ZMIZ1: variants seen among roughly 807,000 people sequenced by gnomAD.
ZMIZ1 encodes the protein zinc finger MIZ domain-containing protein 1.
In ZMIZ1, 17 loss-of-function variants were observed where a neutral mutation model predicts 113.9. The ratio of observed to expected loss-of-function variants is 0.15; its 90% confidence interval spans 0.10 to 0.22. The LOEUF (loss-of-function observed/expected upper bound fraction) is 0.22. Ranked by LOEUF, ZMIZ1 falls within the 10% of genes least tolerant of loss-of-function variation. ZMIZ1 has a pLI of 1.00. For missense variants in ZMIZ1, 1,059 were observed against 1,477.8 expected (o/e 0.72, Z 4.65); for synonymous variants, 607 against 603.1 (o/e 1.01, Z -0.09).
intron 4 of ZMIZ1, among the ~76,000 whole-genome samples, chr10:79,166,682 G>A (rs538513873): frequency 1.3e-5 from 2 of 152,362 alleles, no homozygotes; most frequent in East Asian, 1.9e-4. Flanking sequence ...GAAGTGAGGT[G>A]TACAGGAGCT....
At chr10:79,309,619 C>A (rs921950605) in intron 23 of ZMIZ1, among the ~76,000 whole-genome samples, 2 of 152,226 alleles carry the variant, frequency 1.3e-5, no homozygotes, top group African/African-American at 4.8e-5. Context: ...GACACCTGGA[C>A]CGTGGGCAGA....
rs1438474812 is a variant in ZMIZ1 at position 79,244,545 on chromosome 10, C to T, written c.280+28271C>T. On this transcript the variant is annotated intron_variant, in intron 7 of 24. Coordinates refer to ENST00000334512, the MANE Select transcript of ZMIZ1 (RefSeq NM_020338.4). ...AGAGGTCAGCTGGCACTTCTTTAGA[C>T]GGGTTTCAGGAGACTGTCATTCCTG... Among the ~76,000 whole-genome samples, 3 of 152,210 alleles carry T rather than the reference C, an allele frequency of 2.0e-5. No individual in the cohort carries two copies. In the East Asian group the frequency reaches 5.8e-4, roughly 29 times the overall value.
intron 6 of ZMIZ1, among the ~76,000 whole-genome samples, chr10:79,210,293 C>T (rs996879877): frequency 1.1e-4 from 16 of 152,192 alleles, no homozygotes; most frequent in Non-Finnish European, 2.1e-4. Flanking sequence ...TGGCCCTCAC[C>T]GGCCTGGATG....
At chr10:79,180,929 C>T (rs1327129099) in intron 4 of ZMIZ1, among the ~76,000 whole-genome samples, 2 of 152,218 alleles carry the variant, frequency 1.3e-5, no homozygotes, top group Non-Finnish European at 2.9e-5. Context: ...AGAATGCCCT[C>T]CCGCCATGGC....
At chr10:79,279,807 G>C (rs2094073) in intron 8 of ZMIZ1, among the ~76,000 whole-genome samples, 83,943 of 151,844 alleles carry the variant, frequency 0.55, 24,063 homozygotes, top group African/African-American at 0.7. Context: ...CCAAAAAATA[G>C]GAAAACCAGT....
chr10:79,240,645 T>C (rs1849786958), intron 7 of ZMIZ1, among the ~76,000 whole-genome samples: 1 of 136,954 alleles, frequency 7.3e-6, no homozygotes, highest in South Asian at 2.4e-4. Flanking sequence ...TATCTTTTTT[T>C]TTTTTTTTTT....
At chr10:79,201,725 G>A in intron 5 of ZMIZ1, 33 bp downstream of exon 5, 5 of 1,607,594 alleles carry the variant, frequency 3.1e-6, no homozygotes, top group Non-Finnish European at 4.2e-6. Flanking sequence ...TCCGAGGGCG[G>A]GGCAGATGGG....
At chr10:79,119,554 G>A (rs1844195303) in intron 2 of ZMIZ1, among the ~76,000 whole-genome samples, 1 of 152,298 alleles carries the variant, frequency 6.6e-6, no homozygotes, top group South Asian at 2.1e-4. Context: ...TCAAGTCCAG[G>A]TCTGTGTGGC....
chr10:79,292,722 T>C, intron 11 of ZMIZ1: 1 of 474,238 alleles, frequency 2.1e-6, no homozygotes, highest in Non-Finnish European at 4.2e-6. Context: ...CCGGTCTGTC[T>C]CCTGGATTGC....
chr10:79,081,853 C>T (rs1427919918), intron 1 of ZMIZ1, among the ~76,000 whole-genome samples: 1 of 152,226 alleles, frequency 6.6e-6, no homozygotes, highest in Non-Finnish European at 1.5e-5. Flanking sequence ...ATCACTGCAT[C>T]GGGGAGTGTA....
chr10:79,147,349 A>C (rs1384335380), intron 3 of ZMIZ1, among the ~76,000 whole-genome samples: 6 of 152,198 alleles, frequency 3.9e-5, no homozygotes, highest in Non-Finnish European at 8.8e-5. Flanking sequence ...CCTTCTGACC[A>C]GGGGGAGCCG....
chr10:79,286,371 G>A (rs1853077373), intron 8 of ZMIZ1, among the ~76,000 whole-genome samples: 1 of 152,258 alleles, frequency 6.6e-6, no homozygotes, highest in Non-Finnish European at 1.5e-5. Flanking sequence ...TGCTGTGGGG[G>A]CCTGCGGGGG....
chr10:79,265,247 C>G (rs192787877), intron 7 of ZMIZ1, among the ~76,000 whole-genome samples: 8 of 152,222 alleles, frequency 5.3e-5, no homozygotes, highest in African/African-American at 1.9e-4. Flanking sequence ...GACCACAGGA[C>G]CTGAGAAGGC....
At chr10:79,243,660 C>T (rs1387595850) in intron 7 of ZMIZ1, 1 of 300,444 alleles carries the variant, frequency 3.3e-6, no homozygotes, top group Non-Finnish European at 6.6e-6. Context: ...TACCCGGAGT[C>T]GCTCGCCGCG....
chr10:79,291,015 C>T lies in ZMIZ1; in HGVS notation c.597C>T (p.Pro199=), dbSNP rs369212786. The T allele has an allele frequency of 1.9e-6, 3 of 1,614,136 alleles. No homozygotes were observed. Among genetic ancestry groups the T allele is most frequent in the Middle Eastern group, 1.6e-4 (1 of 6,084 alleles). The stretch of plus-strand genomic sequence containing the variant: ...ACCCCATGAATCCAGGCGGCAACCC[C>T]ATGGCGTCGGGCATGACCACCAGCA... ...ANNPMNPGGN[P]MASGMTTSNP... The change falls in exon 10 of 25, where the codon CCC becomes CCT. Residue 199 remains proline (P), a synonymous_variant. Coordinates refer to ENST00000334512, the MANE Select transcript of ZMIZ1 (RefSeq NM_020338.4).
Sources: gnomAD v4.1 joint callset for allele counts (sites outside exome capture counted in the v4.1 genomes callset) on GRCh38, gnomAD v4.1.1 for gene constraint, MANE v1.5 for transcripts, NCBI Gene and HGNC (gene_info 2026-07-23, HGNC 2026-07-21) for gene names.